ZNF407: variants seen among roughly 807,000 people sequenced by gnomAD.
ZNF407 encodes zinc finger protein 407.
A neutral mutation model predicts 131.2 loss-of-function variants in ZNF407; 17 were observed. That is an observed-to-expected ratio of 0.13 (90% CI 0.09 to 0.19). The LOEUF is 0.19. Among genes scored for constraint, ZNF407 ranks in the 10% least tolerant of loss-of-function variants. ZNF407 has a pLI of 1.00. For missense variants in ZNF407, 2,681 were observed against 2,830.6 expected, an observed-to-expected ratio of 0.95 and a Z score of 1.20; for synonymous variants, 1,156 against 1,062.0, an observed-to-expected ratio of 1.09 and a Z score of -1.72.
intron 4 of ZNF407, among the ~76,000 whole-genome samples, chr18:74,796,208 A>G (rs1205759643): frequency 1.3e-5 from 2 of 152,258 alleles, no homozygotes; most frequent in African/African-American, 4.8e-5. Flanking sequence ...TGAATATAAT[A>G]GAACTGTCAT....
At chr18:74,835,632 GTGTGTGTGTGT>G (rs1970547292) in intron 4 of ZNF407, among the ~76,000 whole-genome samples, 2 of 59,304 alleles carry the variant, frequency 3.4e-5, no homozygotes, top group South Asian at 5.1e-4. Flanking sequence ...AGAGGGGGGT[GTGTGTGTGTGT>G]GTGTGTGTGT....
At chr18:74,854,295 A>T (rs1304615707) in intron 4 of ZNF407, among the ~76,000 whole-genome samples, 3 of 152,182 alleles carry the variant, frequency 2.0e-5, no homozygotes, top group African/African-American at 7.2e-5. Flanking sequence ...AATTTGTAAG[A>T]TTACTTGGTA....
At chr18:74,963,384 A>G (rs1972371213) in intron 8 of ZNF407, among the ~76,000 whole-genome samples, 1 of 152,192 alleles carries the variant, frequency 6.6e-6, no homozygotes, top group Admixed American at 6.5e-5. Flanking sequence ...CATTTGGTAG[A>G]GCTCACTGGA....
At chr18:74,991,418 G>C (rs1456121515) in intron 8 of ZNF407, among the ~76,000 whole-genome samples, 1 of 152,134 alleles carries the variant, frequency 6.6e-6, no homozygotes, top group Non-Finnish European at 1.5e-5. Flanking sequence ...AAAATTTTGA[G>C]AATTGTAAAT....
chr18:74,811,955 A>G (rs984284519), intron 4 of ZNF407, among the ~76,000 whole-genome samples: 4 of 151,682 alleles, frequency 2.6e-5, no homozygotes, highest in Non-Finnish European at 4.4e-5. Flanking sequence ...TGGGTGCAGC[A>G]CACCAGCATG....
chr18:74,663,842 T>G (rs762649771), intron 3 of ZNF407, among the ~76,000 whole-genome samples: 2 of 152,134 alleles, frequency 1.3e-5, no homozygotes, highest in African/African-American at 2.4e-5. Context: ...TTTGAGACTT[T>G]AAAGGCCTGT....
At chr18:74,705,150 A>ATTTTT (rs113918730) in intron 3 of ZNF407, among the ~76,000 whole-genome samples, 2 of 150,504 alleles carry the variant, frequency 1.3e-5, no homozygotes, top group Admixed American at 6.6e-5. Flanking sequence ...AGAAAAATAC[A>ATTTTT]TTTTTTTTTT....
intron 3 of ZNF407, among the ~76,000 whole-genome samples, chr18:74,642,778 A>G (rs1258484366): frequency 6.6e-6 from 1 of 152,114 alleles, no homozygotes; most frequent in Non-Finnish European, 1.5e-5. Context: ...CGAGTTTTAT[A>G]CTGTCTTCAG....
At chr18:74,764,007 C>T (rs1969171156) in intron 3 of ZNF407, among the ~76,000 whole-genome samples, 1 of 152,056 alleles carries the variant, frequency 6.6e-6, no homozygotes, top group Admixed American at 6.5e-5. Flanking sequence ...GCCACCGCGC[C>T]CGGCCATCTT....
chr18:74,880,472 T>C lies in ZNF407; in HGVS notation c.5045-564T>C, dbSNP rs191389448. Among the ~76,000 whole-genome samples the C allele has an allele frequency of 8.5e-5, 13 of 152,330 alleles. No homozygotes were observed. The East Asian group carries it at 2.5e-3, about 29-fold the overall frequency. On this transcript the variant is annotated intron_variant, in intron 5 of 8. Coordinates refer to ENST00000299687, the MANE Select transcript of ZNF407 (RefSeq NM_017757.3). The stretch of plus-strand genomic sequence containing the variant: ...ATAAACAGCATTGAATTGCTACTGG[T>C]ACTAATATAGATTTTATTGTTACTT...
chr18:74,880,809 T>C (rs1188455251), intron 5 of ZNF407, among the ~76,000 whole-genome samples: 2 of 152,202 alleles, frequency 1.3e-5, no homozygotes, highest in Non-Finnish European at 2.9e-5. Flanking sequence ...AACCATTCCA[T>C]TGATAATAAA....
chr18:74,876,770 T>C (rs1971162606), intron 4 of ZNF407, among the ~76,000 whole-genome samples: 1 of 152,174 alleles, frequency 6.6e-6, no homozygotes, highest in Admixed American at 6.5e-5. Context: ...GGCCGCCGGG[T>C]GCATGCAGGA....
At chr18:74,908,493 G>A (rs1971625547) in intron 7 of ZNF407, among the ~76,000 whole-genome samples, 1 of 152,022 alleles carries the variant, frequency 6.6e-6, no homozygotes, top group African/African-American at 2.4e-5. Flanking sequence ...TATATACATG[G>A]ATCTTTGTGC....
At chr18:74,623,918 G>T (rs1983676188) in intron 1 of ZNF407, among the ~76,000 whole-genome samples, 1 of 152,168 alleles carries the variant, frequency 6.6e-6, no homozygotes, top group South Asian at 2.1e-4. Flanking sequence ...GTGAAGAGAT[G>T]TGTGGAAAGG....
chr18:74,943,848 A>C (rs887410589), intron 8 of ZNF407, among the ~76,000 whole-genome samples: 1 of 152,162 alleles, frequency 6.6e-6, no homozygotes, highest in African/African-American at 2.4e-5. Context: ...TCACTATTAC[A>C]GTGACTATAT....
At chr18:74,845,511 A>C (rs1393294917) in intron 4 of ZNF407, among the ~76,000 whole-genome samples, 1 of 152,250 alleles carries the variant, frequency 6.6e-6, no homozygotes, top group East Asian at 1.9e-4. Flanking sequence ...TTCCCATTTA[A>C]TTTCCTTTAT....
At chr18:74,939,962 T>C (rs1001019239) in intron 8 of ZNF407, among the ~76,000 whole-genome samples, 2 of 152,218 alleles carry the variant, frequency 1.3e-5, no homozygotes, top group African/African-American at 2.4e-5. Flanking sequence ...TTTTAGCTTT[T>C]TTAGGTAGAA....
At chr18:74,602,979 G>A (rs758686610) in intron 1 of ZNF407, among the ~76,000 whole-genome samples, 8 of 152,096 alleles carry the variant, frequency 5.3e-5, no homozygotes, top group Non-Finnish European at 7.4e-5. Flanking sequence ...GGTGTGTGGG[G>A]ACAGGGCATT....
intron 8 of ZNF407, among the ~76,000 whole-genome samples, chr18:74,948,339 A>G (rs1972177519): frequency 6.6e-6 from 1 of 152,150 alleles, no homozygotes; most frequent in South Asian, 2.1e-4. Flanking sequence ...ACTGACATTC[A>G]CCTGAGCTTA....
Sources: allele counts gnomAD v4.1 joint callset (sites outside exome capture counted in the v4.1 genomes callset), GRCh38; gene constraint gnomAD v4.1.1; transcripts MANE v1.5; gene names NCBI Gene and HGNC (gene_info 2026-07-23, HGNC 2026-07-21).